PRKAG2: variants seen among roughly 807,000 people sequenced by gnomAD.
PRKAG2 encodes 5'-AMP-activated protein kinase subunit gamma-2.
PRKAG2 carries 26 observed loss-of-function variants against 69.6 expected under a neutral mutation model. That is an observed-to-expected ratio of 0.37 (90% confidence interval 0.27 to 0.52). PRKAG2 has a LOEUF of 0.52. PRKAG2 is among the 20% of genes least tolerant of loss of function. The pLI, the probability that PRKAG2 is intolerant of heterozygous loss-of-function variation, is 0.90. For synonymous variants in PRKAG2, 293 were observed against 285.0 expected (o/e 1.03, Z -0.28); for missense variants, 557 against 740.0 (o/e 0.75, Z 2.87).
Position 151,814,515 on chromosome 7 carries a change from C to A in PRKAG2, c.115-27974G>T. The A allele has an allele frequency of 8.1e-7, 1 of 1,231,152 alleles. No individual in the cohort carries two copies. Among genetic ancestry groups the A allele is most frequent in the Non-Finnish European group, 1.0e-6 (1 of 987,964 alleles). 76.3% of individuals were successfully genotyped at this position (1,231,152 alleles called of 1,614,324 possible). ...GCAGGATGCGAGTGACGGGGACGGGCGGCACTCCCAGCTCTGACAAATCCT... is the reference window on the plus strand; with the variant it reads ...GCAGGATGCGAGTGACGGGGACGGGAGGCACTCCCAGCTCTGACAAATCCT... On this transcript the variant is annotated intron_variant, in intron 1 of 15. Coordinates refer to ENST00000287878, the MANE Select transcript of PRKAG2 (RefSeq NM_016203.4). This position sits in a 1 kb window ranked among gnomAD's most constrained non-coding sequence, Gnocchi z 4.8.
At chr7:151,720,456 G>C (rs1280698233) in intron 3 of PRKAG2, among the ~76,000 whole-genome samples, 1 of 151,742 alleles carries the variant, frequency 6.6e-6, no homozygotes, top group Non-Finnish European at 1.5e-5. Context: ...GTGTAACACA[G>C]ACTGTGTTCT....
At chr7:151,724,046 C>T (rs1047672705) in intron 3 of PRKAG2, among the ~76,000 whole-genome samples, 4 of 152,192 alleles carry the variant, frequency 2.6e-5, no homozygotes, top group Non-Finnish European at 4.4e-5. Context: ...ATAAACTCCA[C>T]GGTAAATCCT....
chr7:151,781,011 G>A lies in PRKAG2; in HGVS notation c.466+141C>T, dbSNP rs1315794454. The A allele has an allele frequency of 9.0e-7, 1 of 1,108,004 alleles. No individual in the cohort carries two copies. The highest frequency in any genetic ancestry group is 1.3e-5 in the South Asian group (1 of 77,324). The allele number at this position is 1,108,004 out of a possible 1,614,324, so 68.6% of individuals were successfully genotyped here. ...GAGATTTGTTTAGGGGGAAGTGGGG[G>A]TGGGGAGAAACAGATACAGGCACTC... On this transcript the variant is annotated intron_variant, in intron 3 of 15. Transcript: ENST00000287878. The surrounding 1 kb of genome is among the most constrained non-coding windows in gnomAD (Gnocchi z 6.1).
At chr7:151,782,175 C>A (rs1353986448) in intron 2 of PRKAG2, among the ~76,000 whole-genome samples, 1 of 151,866 alleles carries the variant, frequency 6.6e-6, no homozygotes, top group Admixed American at 6.5e-5. Flanking sequence ...CCCAGCTACT[C>A]AGGAGGCTGA....
intron 1 of PRKAG2, chr7:151,810,638 G>A (rs562957852): frequency 1.3e-5 from 2 of 153,408 alleles, no homozygotes; most frequent in Non-Finnish European, 2.9e-5. Context: ...TGTACCCGCA[G>A]CCCCGCCAAG....
chr7:151,733,965 G>A (rs1304156629), intron 3 of PRKAG2, among the ~76,000 whole-genome samples: 1 of 152,106 alleles, frequency 6.6e-6, no homozygotes, highest in Non-Finnish European at 1.5e-5. Context: ...AAAGTGCTGG[G>A]AATGCAGGCT....
chr7:151,797,811 A>T (rs189113558), intron 1 of PRKAG2, among the ~76,000 whole-genome samples: 1 of 152,212 alleles, frequency 6.6e-6, no homozygotes, highest in South Asian at 2.1e-4. Flanking sequence ...TCCCGGGGTG[A>T]GCCGGCCACT....
At chr7:151,729,418 G>A (rs1042678491) in intron 3 of PRKAG2, among the ~76,000 whole-genome samples, 16 of 152,018 alleles carry the variant, frequency 1.1e-4, no homozygotes, top group Non-Finnish European at 1.8e-4. Flanking sequence ...GGTGGGTGGG[G>A]GCCGGGGAGG....
At chr7:151,744,808 T>C (rs2074163949) in intron 3 of PRKAG2, among the ~76,000 whole-genome samples, 1 of 151,850 alleles carries the variant, frequency 6.6e-6, no homozygotes, top group African/African-American at 2.4e-5. Context: ...GACCGAGAGA[T>C]CCACCAGCAG....
intron 3 of PRKAG2, among the ~76,000 whole-genome samples, chr7:151,686,354 ATGTGGTCCGAGTG>A (rs1834738868): frequency 6.6e-6 from 1 of 152,176 alleles, no homozygotes; most frequent in African/African-American, 2.4e-5. Context: ...CTTTATGGTC[ATGTGGTCCGAGTG>A]CCTCCATCCT....
At chr7:151,599,356 T>C (rs1815425119) in intron 5 of PRKAG2, among the ~76,000 whole-genome samples, 1 of 152,126 alleles carries the variant, frequency 6.6e-6, no homozygotes, top group Non-Finnish European at 1.5e-5. Flanking sequence ...TCTGCCTCCA[T>C]GGCCACCCCC....
At chr7:151,784,000 G>C (rs1393796327) in intron 2 of PRKAG2, among the ~76,000 whole-genome samples, 2 of 151,626 alleles carry the variant, frequency 1.3e-5, no homozygotes, top group African/African-American at 4.8e-5. Flanking sequence ...TGGGGGCTGA[G>C]AGAAGCCAGT....
At position 151,717,599 on chromosome 7, in the gene PRKAG2, C is replaced by T. The variant is rs888854475; in HGVS notation, c.467-41962G>A. On this transcript the variant is annotated intron_variant, in intron 3 of 15. Coordinates refer to ENST00000287878, the MANE Select transcript of PRKAG2 (RefSeq NM_016203.4). ...CAGACTCACCGGCTGGTACAGTGACCACTCAGCAGCTCTGGACTGGCTCCC... is the reference window on the plus strand; with the variant it reads ...CAGACTCACCGGCTGGTACAGTGACTACTCAGCAGCTCTGGACTGGCTCCC... 3.3e-5 allele frequency among the ~76,000 whole-genome samples: 5 copies of T among 152,310 alleles called. No individual in the cohort carries two copies. The East Asian group carries it at 9.6e-4, about 29-fold the overall frequency.
intron 6 of PRKAG2, among the ~76,000 whole-genome samples, chr7:151,593,488 C>G (rs565023758): frequency 6.6e-6 from 1 of 152,188 alleles, no homozygotes; most frequent in Non-Finnish European, 1.5e-5. Context: ...GCCACTGTGC[C>G]CGGCCTACTG....
At chr7:151,634,162 A>G (rs931500719) in intron 4 of PRKAG2, among the ~76,000 whole-genome samples, 23 of 152,240 alleles carry the variant, frequency 1.5e-4, no homozygotes, top group Admixed American at 2.0e-4. Context: ...AAGAATGGAT[A>G]TAATAATCAA....
rs923252731 is a variant in PRKAG2 at position 151,828,757 on chromosome 7, C to T, written c.115-42216G>A. ...ACAACACAGCGAGACCCTGTCTTTA[C>T]AAAAAAAAAAAAAACTTTAAAAGTC... is the stretch of plus-strand genomic sequence containing the variant. On this transcript the variant is annotated intron_variant, in intron 1 of 15. Transcript: ENST00000287878. The surrounding 1 kb of genome is among the most constrained non-coding windows in gnomAD (Gnocchi z 4.6). Among the ~76,000 whole-genome samples the T allele has an allele frequency of 9.1e-6, 1 of 109,570 alleles. No homozygotes were observed. The highest frequency in any genetic ancestry group is 2.5e-4 in the East Asian group (1 of 4,020). 71.9% of individuals were successfully genotyped at this position (109,570 alleles called of 152,430 possible). A position where few individuals can be genotyped will look rare whatever the true frequency, so the allele number is the denominator to read the frequency against.
rs1231747679 is a variant in PRKAG2, at chr7:151,850,104, C to T, written c.114+26403G>A. ...GGCTGAGAACCCACACCGCCTAAAC[C>T]GAGGGGCCGTGCACACAGGTGGCTC... is the stretch of plus-strand genomic sequence containing the variant. On this transcript the variant is annotated intron_variant, in intron 1 of 15. Coordinates refer to ENST00000287878, the MANE Select transcript of PRKAG2 (RefSeq NM_016203.4). The surrounding 1 kb of genome is among the most constrained non-coding windows in gnomAD (Gnocchi z 4.1). Among the ~76,000 whole-genome samples the T allele has an allele frequency of 1.3e-5, 2 of 152,080 alleles. No homozygotes were observed. Among genetic ancestry groups the T allele is most frequent in the African/African-American group, 4.8e-5 (2 of 41,414 alleles).
chr7:151,870,869 T>C (rs1050116717), intron 1 of PRKAG2, among the ~76,000 whole-genome samples: 1 of 152,238 alleles, frequency 6.6e-6, no homozygotes, highest in African/African-American at 2.4e-5. Flanking sequence ...ACGTTGTGAC[T>C]GCCCAGCTCC....
In PRKAG2 at chr7:151,835,543, G is replaced by C. The variant is rs891879297; in HGVS notation, c.114+40964C>G. On this transcript the variant is annotated intron_variant, in intron 1 of 15. Coordinates refer to ENST00000287878, the MANE Select transcript of PRKAG2 (RefSeq NM_016203.4). The surrounding 1 kb of genome is among the most constrained non-coding windows in gnomAD (Gnocchi z 4.1). ...CTCTTGTCTGCCTGCTTACCCTTCC[G>C]AGGCATCTAACAGCATCCTCCCTGG... Among the ~76,000 whole-genome samples the C allele has an allele frequency of 2.6e-5, 4 of 152,036 alleles. No homozygotes were observed. The highest frequency in any genetic ancestry group is 9.7e-5 in the African/African-American group (4 of 41,400).
Sources: allele counts gnomAD v4.1 joint callset (sites outside exome capture counted in the v4.1 genomes callset), GRCh38; gene constraint gnomAD v4.1.1; non-coding constraint Gnocchi (gnomAD v3.1); transcripts MANE v1.5; gene names NCBI Gene and HGNC (gene_info 2026-07-23, HGNC 2026-07-21).